Variants in ATP11C observed in about 807,000 individuals in gnomAD.
ATP11C encodes ATPase phospholipid transporting 11C (ATP11C blood group).
ATP11C carries 36 observed loss-of-function variants against 97.4 expected under a neutral mutation model. The ratio of observed to expected loss-of-function variants is 0.37; its 90% CI spans 0.28 to 0.49. The LOEUF is 0.49. Ranked by LOEUF, ATP11C falls within the 20% of genes least tolerant of loss-of-function variation. The pLI is 0.98. For synonymous variants in ATP11C, 275 were observed against 290.9 expected (o/e 0.95, Z 0.56); for missense variants, 730 against 824.6 (o/e 0.89, Z 1.40).
intron 1 of ATP11C, among the ~76,000 whole-genome samples, chrX:139,880,884 A>G (rs2084550958): frequency 8.9e-6 from 1 of 112,151 alleles, no homozygotes; most frequent in Non-Finnish European, 1.9e-5. Context: ...TGCTTAATCT[A>G]CAAGTCATAA....
chrX:139,936,133 AT>A (rs935416559), upstream of ATP11C, among the ~76,000 whole-genome samples: 8 of 109,780 alleles, frequency 7.3e-5, no homozygotes, highest in African/African-American at 2.6e-4. Flanking sequence ...CCTCATCTTT[AT>A]TTTTTTTTAA....
intron 1 of ATP11C, among the ~76,000 whole-genome samples, chrX:139,830,124 C>A (rs1216387660): frequency 2.7e-5 from 3 of 112,105 alleles, no homozygotes; most frequent in Non-Finnish European, 3.8e-5. Flanking sequence ...TTTCCATTTG[C>A]TGGCAAACTT....
Position 139,832,260 on chromosome X carries a change from A to G in ATP11C, c.28-5437T>C, listed in dbSNP as rs1225672420. The stretch of plus-strand genomic sequence containing the variant: ...AGAGAATGCTGCAGATTATCAAGCA[A>G]CTTGTACCAACCCCTGTGATCCTTG... On this transcript the variant is annotated intron_variant, in intron 1 of 29. Coordinates refer to ENST00000682941, the MANE Select transcript of ATP11C (RefSeq NM_001353812.2). 3.4e-6 allele frequency: 4 copies of G among 1,188,852 alleles called. No individual in the cohort carries two copies. The African/African-American group carries it at 7.1e-5, about 21-fold the overall frequency.
At chrX:139,786,560 G>T (rs1218255909) in intron 15 of ATP11C, among the ~76,000 whole-genome samples, 1 of 111,791 alleles carries the variant, frequency 8.9e-6, no homozygotes, top group Non-Finnish European at 1.9e-5. Context: ...AGATCCTAGG[G>T]GCCAGAATGA....
intron 1 of ATP11C, among the ~76,000 whole-genome samples, chrX:139,920,410 C>T (rs187757846): frequency 1.2e-3 from 124 of 107,365 alleles, no homozygotes; most frequent in Non-Finnish European, 2.0e-3. Flanking sequence ...ATGAACAAAT[C>T]TTGAAAATAT....
intron 23 of ATP11C, among the ~76,000 whole-genome samples, chrX:139,753,083 A>G (rs916223299): frequency 5.4e-5 from 6 of 111,692 alleles, no homozygotes; most frequent in Non-Finnish European, 1.1e-4. Context: ...ATTAACAAAG[A>G]TATTCAGGCC....
chrX:139,761,319 C>CA (rs746239618), intron 22 of ATP11C, among the ~76,000 whole-genome samples: 4 of 110,709 alleles, frequency 3.6e-5, no homozygotes, highest in Non-Finnish European at 5.7e-5. Flanking sequence ...AATTATATCT[C>CA]AAAAAAATTG....
Position 139,763,406 on chromosome X carries a change from C to A in ATP11C, c.2404G>T (p.Val802Leu). ...PLQKAQIVRM[V>L]KNLKGSPITL... is the part of the protein sequence containing the mutation. ...ATTGGGCTGCCTTTTAAATTCTTCACCATTCTGACAATCTAAATATTAAAT... is the reference window on the plus strand; with the variant it reads ...ATTGGGCTGCCTTTTAAATTCTTCAACATTCTGACAATCTAAATATTAAAT... Residue 802 changes from valine (V) to leucine (L), a missense_variant, in exon 21 of 30, where the codon GTG (valine) becomes TTG (leucine). Coordinates refer to ENST00000682941, the MANE Select transcript of ATP11C (RefSeq NM_001353812.2). The A allele has an allele frequency of 8.3e-7, 1 of 1,198,871 alleles. No individual in the cohort carries two copies. Among genetic ancestry groups the A allele is most frequent in the Non-Finnish European group, 1.1e-6 (1 of 883,971 alleles).
chrX:139,931,211 T>A (rs1207347397), intron 1 of ATP11C, among the ~76,000 whole-genome samples: 3 of 112,224 alleles, frequency 2.7e-5, no homozygotes, highest in Admixed American at 9.4e-5. Context: ...AAAGCGATTT[T>A]CCCTATGGCT....
chrX:139,782,467 G>T lies in ATP11C; in HGVS notation c.1952+80C>A, dbSNP rs769245916. 14 of 647,221 alleles carry T rather than the reference G, an allele frequency of 2.2e-5. No individual in the cohort carries two copies. In the Admixed American group the frequency reaches 2.2e-4, roughly 10 times the overall value. The allele number at this position is 647,221 out of a possible 1,213,427, so 53.3% of individuals were successfully genotyped here. ...AATAAAACTAAAGATTTCAAACTTC[G>T]AGATTAAATTACTAATCTGGGGCAG... On this transcript the variant is annotated intron_variant, in intron 18 of 29. Transcript: ENST00000682941.
chrX:139,788,996 T>A (rs1475012881), intron 13 of ATP11C, among the ~76,000 whole-genome samples: 1 of 109,742 alleles, frequency 9.1e-6, no homozygotes, highest in Admixed American at 9.7e-5. Flanking sequence ...AGGTCAGGAG[T>A]TTGAGACCAG....
rs980176232 is a variant in ATP11C at position 139,727,509 on chromosome X, G to GA, written c.*1456dup. ...AAATTATGTTCTTTTCTAGAATTTA[G>GA]AAAAAAATCATACCTAAACATTAAC... On this transcript the variant is annotated 3_prime_UTR_variant, in exon 30 of 30. Coordinates refer to ENST00000682941, the MANE Select transcript of ATP11C (RefSeq NM_001353812.2). The GA allele has an allele frequency of 9.0e-6, 1 of 110,862 alleles. No homozygotes were observed. The highest frequency in any genetic ancestry group is 1.9e-5 in the Non-Finnish European group (1 of 52,714). 9.1% of individuals were successfully genotyped at this position (110,862 alleles called of 1,213,427 possible).
intron 1 of ATP11C, among the ~76,000 whole-genome samples, chrX:139,872,230 T>G (rs1160167544): frequency 3.4e-5 from 3 of 89,267 alleles, no homozygotes; most frequent in African/African-American, 1.4e-4. Flanking sequence ...AGAACAAAGT[T>G]TATAAAAGAA....
At position 139,844,235 on chromosome X, in the gene ATP11C, G is replaced by A. The variant is rs1004648576; in HGVS notation, c.28-17412C>T. 2.7e-5 allele frequency among the ~76,000 whole-genome samples: 3 copies of A among 112,144 alleles called. No homozygotes were observed. The Admixed American group carries it at 2.8e-4, about 11-fold the overall frequency. ...AAGACTTCAATAAAACAAAATGCTT[G>A]CAAAAAGGAAAGAAAAATCAGCTTC... On this transcript the variant is annotated intron_variant, in intron 1 of 29. Transcript: ENST00000682941.
At chrX:139,743,690 T>TA (rs200012585) in intron 25 of ATP11C, 66 bp from the exon 26 acceptor site, 271 of 716,686 alleles carry the variant, frequency 3.8e-4, no homozygotes, top group Admixed American at 5.3e-4. Context: ...TTTTTTCATT[T>TA]AAAAAAAAAG....
intron 23 of ATP11C, among the ~76,000 whole-genome samples, chrX:139,753,182 C>T (rs1310676113): frequency 1.8e-5 from 2 of 111,322 alleles, no homozygotes; most frequent in Non-Finnish European, 3.8e-5. Flanking sequence ...CCTCTTATCA[C>T]CACATGGCAC....
In ATP11C at chrX:139,930,802, A is replaced by T. The variant is rs755905822; in HGVS notation, c.27+1214T>A. 2.7e-5 allele frequency among the ~76,000 whole-genome samples: 3 copies of T among 112,441 alleles called. No individual in the cohort carries two copies. The South Asian group carries it at 1.1e-3, about 41-fold the overall frequency. On this transcript the variant is annotated intron_variant, in intron 1 of 29. Transcript: ENST00000682941. Reference sequence around the variant, plus strand: ...AGCACTATTCTAAAAAGGGATGTGCAAGTATTACTTTTAGCCAGTGTACAC... The same window carrying T: ...AGCACTATTCTAAAAAGGGATGTGCTAGTATTACTTTTAGCCAGTGTACAC...
At chrX:139,846,149 G>A (rs764603296) in intron 1 of ATP11C, among the ~76,000 whole-genome samples, 2 of 112,069 alleles carry the variant, frequency 1.8e-5, no homozygotes, top group Non-Finnish European at 3.8e-5. Flanking sequence ...GGTAACCTCT[G>A]GCTATTAATC....
chrX:139,753,251 A>G (rs963669836), intron 23 of ATP11C, among the ~76,000 whole-genome samples: 1 of 111,832 alleles, frequency 8.9e-6, no homozygotes, highest in African/African-American at 3.3e-5. Context: ...TCAAAAAAAC[A>G]AAAATCATAC....
Sources: allele counts gnomAD v4.1 joint callset (sites outside exome capture counted in the v4.1 genomes callset), GRCh38; gene constraint gnomAD v4.1.1; transcripts MANE v1.5; gene names NCBI Gene and HGNC (gene_info 2026-07-23, HGNC 2026-07-21).